WWP1: variants seen among roughly 807,000 people sequenced by gnomAD.
WWP1 encodes the protein WW domain containing E3 ubiquitin protein ligase 1, also known as NEDD4-like E3 ubiquitin-protein ligase WWP1.
A neutral mutation model predicts 130.6 loss-of-function variants in WWP1; 49 were observed. That is an observed-to-expected ratio of 0.38 (90% CI 0.30 to 0.48). The LOEUF (loss-of-function observed/expected upper bound fraction) is 0.48, where lower values mean the gene tolerates loss of function less well. Ranked by LOEUF, WWP1 falls within the 20% of genes least tolerant of loss-of-function variation. WWP1 has a pLI of 0.99. For missense variants in WWP1, 809 were observed against 1,100.6 expected, an observed-to-expected ratio of 0.74 and a Z score of 3.75; for synonymous variants, 332 against 367.8, an observed-to-expected ratio of 0.90 and a Z score of 1.11.
chr8:86,349,994 C>A (rs149377656), intron 1 of WWP1, among the ~76,000 whole-genome samples: 25 of 152,022 alleles, frequency 1.6e-4, no homozygotes, highest in African/African-American at 5.1e-4. Flanking sequence ...CTGTCCCCCA[C>A]GCGCTCCAAG....
chr8:86,437,052 A>G (rs1810327805), intron 16 of WWP1, among the ~76,000 whole-genome samples: 2 of 152,082 alleles, frequency 1.3e-5, no homozygotes, highest in African/African-American at 2.4e-5. Flanking sequence ...ATCTGAATTC[A>G]TGGTAGACTT....
chr8:86,375,999 C>G (rs1824627438), intron 3 of WWP1, among the ~76,000 whole-genome samples: 1 of 152,174 alleles, frequency 6.6e-6, no homozygotes, highest in Non-Finnish European at 1.5e-5. Context: ...AATAGCATTT[C>G]TCTCACTGTA....
chr8:86,464,052 C>A (rs1353368961), intron 24 of WWP1, among the ~76,000 whole-genome samples: 2 of 151,816 alleles, frequency 1.3e-5, no homozygotes, highest in African/African-American at 4.8e-5. Flanking sequence ...CACAGTAAGA[C>A]CCTGTCTCAA....
intron 1 of WWP1, among the ~76,000 whole-genome samples, chr8:86,361,706 T>A (rs1413624718): frequency 6.6e-6 from 1 of 151,942 alleles, no homozygotes; most frequent in Non-Finnish European, 1.5e-5. Context: ...TGCATTGGAG[T>A]CCTCCACAAC....
chr8:86,356,399 G>T (rs1173358663), intron 1 of WWP1, among the ~76,000 whole-genome samples: 1 of 151,046 alleles, frequency 6.6e-6, no homozygotes, highest in Non-Finnish European at 1.5e-5. Context: ...TGTTCACTAG[G>T]GTAAGGGGAA....
Position 86,399,671 on chromosome 8 carries a change from A to G in WWP1, c.539+1033A>G, listed in dbSNP as rs1013606493. ...GTCCATATAATTTAAAAAAATTTAG[A>G]TGGATAGAGGAGCTTGAATTACTAC... is the stretch of plus-strand genomic sequence containing the variant. On this transcript the variant is annotated intron_variant, in intron 7 of 24. Coordinates refer to ENST00000517970, the MANE Select transcript of WWP1 (RefSeq NM_007013.4). Among the ~76,000 whole-genome samples, 11 of 152,190 alleles carry G rather than the reference A, an allele frequency of 7.2e-5. No individual in the cohort carries two copies. The South Asian group carries it at 2.3e-3, about 31-fold the overall frequency.
chr8:86,350,915 G>C (rs1422922296), intron 1 of WWP1, among the ~76,000 whole-genome samples: 1 of 152,156 alleles, frequency 6.6e-6, no homozygotes, highest in Non-Finnish European at 1.5e-5. Flanking sequence ...AAATGAACCT[G>C]TTTTGTATAA....
intron 5 of WWP1, among the ~76,000 whole-genome samples, chr8:86,389,269 AGGG>A (rs747372824): frequency 6.6e-5 from 10 of 151,992 alleles, no homozygotes; most frequent in Non-Finnish European, 1.3e-4. Context: ...CATGTGAACA[AGGG>A]TCTGTGGTTT....
intron 20 of WWP1, among the ~76,000 whole-genome samples, chr8:86,450,451 G>A (rs1811116445): frequency 6.6e-6 from 1 of 152,116 alleles, no homozygotes; most frequent in Non-Finnish European, 1.5e-5. Flanking sequence ...TTAAGCCTGA[G>A]CCTTCCACAA....
chr8:86,366,838 T>C (rs554243075), intron 1 of WWP1, among the ~76,000 whole-genome samples: 10 of 152,332 alleles, frequency 6.6e-5, no homozygotes, highest in African/African-American at 2.2e-4. Context: ...TTTCATTTTA[T>C]AAATTCATTG....
At chr8:86,433,814 A>G (rs751851760) in intron 14 of WWP1, among the ~76,000 whole-genome samples, 1 of 152,116 alleles carries the variant, frequency 6.6e-6, no homozygotes, top group Non-Finnish European at 1.5e-5. Context: ...GCTACTCAGG[A>G]GGCTGAGGCA....
intron 11 of WWP1, among the ~76,000 whole-genome samples, chr8:86,428,591 A>C (rs1809758210): frequency 6.6e-6 from 1 of 152,184 alleles, no homozygotes; most frequent in Admixed American, 6.5e-5. Context: ...GGCTCTTTCA[A>C]CCACATTTTT....
intron 17 of WWP1, 62 bp from the exon 18 acceptor site, chr8:86,442,557 A>G: frequency 7.0e-7 from 1 of 1,431,376 alleles, no homozygotes. Flanking sequence ...GAATATATTT[A>G]AGATCTGTTT....
chr8:86,372,124 C>T lies in WWP1; in HGVS notation c.-21-1906C>T, dbSNP rs558078110. ...CTGCAAGCTCCGCCTCCCGGGTTCACGCCATTCTCCTGCCTCAGCCTCCCG... is the reference window on the plus strand; with the variant it reads ...CTGCAAGCTCCGCCTCCCGGGTTCATGCCATTCTCCTGCCTCAGCCTCCCG... On this transcript the variant is annotated intron_variant, in intron 2 of 24. Coordinates refer to ENST00000517970, the MANE Select transcript of WWP1 (RefSeq NM_007013.4). Among the ~76,000 whole-genome samples, 28 of 148,200 alleles carry T rather than the reference C, an allele frequency of 1.9e-4. No homozygotes were observed. In the East Asian group the frequency reaches 5.1e-3, roughly 27 times the overall value.
Position 86,374,164 on chromosome 8 carries a change from T to G in WWP1, c.70+44T>G. The G allele has an allele frequency of 2.7e-6, 4 of 1,500,948 alleles. No individual in the cohort carries two copies. The South Asian group carries it at 4.8e-5, about 18-fold the overall frequency. 93.0% of individuals were successfully genotyped at this position (1,500,948 alleles called of 1,614,324 possible). A position where few individuals can be genotyped will look rare whatever the true frequency, so the allele number is the denominator to read the frequency against. On this transcript the variant is annotated intron_variant, in intron 3 of 24. Coordinates refer to ENST00000517970, the MANE Select transcript of WWP1 (RefSeq NM_007013.4). ...TAATATGGTGATTCCCTGATGAACT[T>G]TTCTTTTGAATACCTAATTCAGCAG...
At chr8:86,401,959 T>G in intron 7 of WWP1, 60 bp from the exon 8 acceptor site, 2 of 1,375,018 alleles carry the variant, frequency 1.5e-6, no homozygotes, top group Non-Finnish European at 1.9e-6. Flanking sequence ...CTATGAAAAT[T>G]CTCATGAAAT....
At position 86,452,688 on chromosome 8, in the gene WWP1, C is replaced by T; in HGVS notation, c.2394+9C>T. 1.9e-6 allele frequency: 3 copies of T among 1,611,660 alleles called. No homozygotes were observed. The highest frequency in any genetic ancestry group is 1.7e-6 in the Non-Finnish European group (2 of 1,179,062). On this transcript the variant is annotated intron_variant, in intron 21 of 24. Transcript: ENST00000517970. ...ATGAAAAAGAATTAGAGGTTAGGCC[C>T]TTTTATTATGCTATTGTAGGGAATG...
rs1370808562 is a variant in WWP1, at chr8:86,402,279, T to TC, written c.724+79dup. 2.7e-6 allele frequency: 4 copies of TC among 1,477,634 alleles called. No homozygotes were observed. The African/African-American group carries it at 5.7e-5, about 21-fold the overall frequency. The allele number at this position is 1,477,634 out of a possible 1,614,324, so 91.5% of individuals were successfully genotyped here. ...TTATGTATCCATCCATGCCTACACT[T>TC]CCCTTTTTGTGTAGTCTTTTTTTTG... On this transcript the variant is annotated intron_variant, in intron 8 of 24. Transcript: ENST00000517970.
chr8:86,354,004 A>G (rs1396116267), intron 1 of WWP1, among the ~76,000 whole-genome samples: 1 of 152,192 alleles, frequency 6.6e-6, no homozygotes, highest in Non-Finnish European at 1.5e-5. Flanking sequence ...TTTGTGATTT[A>G]ATTTTTCCAT....
Sources: gnomAD v4.1 joint callset for allele counts (sites outside exome capture counted in the v4.1 genomes callset) on GRCh38, gnomAD v4.1.1 for gene constraint, MANE v1.5 for transcripts, NCBI Gene and HGNC (gene_info 2026-07-23, HGNC 2026-07-21) for gene names.